The following NTRK3 variants were observed in gnomAD, a reference collection of about 807,000 sequenced individuals.
The protein encoded by NTRK3 is neurotrophic receptor tyrosine kinase 3, also known as NT-3 growth factor receptor.
NTRK3 carries 24 observed loss-of-function variants against 91.7 expected under a neutral mutation model. The observed-to-expected ratio is 0.26, with a 90% confidence interval of 0.19 to 0.37. NTRK3 has a LOEUF of 0.37. Ranked by LOEUF, NTRK3 falls within the 10% of genes least tolerant of loss-of-function variation. The probability of loss-of-function intolerance (pLI) is 1.00; values close to 1 mark genes in which losing one functional copy is unlikely to be tolerated. For synonymous variants in NTRK3, 483 were observed against 404.0 expected (o/e 1.20, Z -2.34); for missense variants, 880 against 1,068.9 (o/e 0.82, Z 2.46).
chr15:88,207,085 G>A (rs950364235), intron 3 of NTRK3, among the ~76,000 whole-genome samples: 1 of 152,228 alleles, frequency 6.6e-6, no homozygotes, highest in African/African-American at 2.4e-5. Context: ...CCCCGACATT[G>A]TGGGTCCATC....
chr15:88,200,473 C>T (rs1251878469), intron 3 of NTRK3, among the ~76,000 whole-genome samples: 1 of 152,210 alleles, frequency 6.6e-6, no homozygotes, highest in African/African-American at 2.4e-5. Context: ...CCATAATCCC[C>T]ACGTGTCATG....
chr15:88,137,036 T>C (rs1182363584), intron 7 of NTRK3, among the ~76,000 whole-genome samples: 1 of 152,166 alleles, frequency 6.6e-6, no homozygotes, highest in Non-Finnish European at 1.5e-5. Context: ...AGAAATCTGC[T>C]TTTTTAGAAA....
chr15:88,014,628 T>C (rs2077102587), intron 14 of NTRK3, among the ~76,000 whole-genome samples: 1 of 152,190 alleles, frequency 6.6e-6, no homozygotes, highest in African/African-American at 2.4e-5. Flanking sequence ...TAACTGGTGA[T>C]AAAACCAAGA....
chr15:88,105,847 C>T lies in NTRK3; in HGVS notation c.1396+20424G>A, dbSNP rs138072844. Reference sequence around the variant, plus strand: ...TCCATATGTAATCCCAGTCAAATCTCTCAATACCTTCTCACGTGAGCACCA... The same window carrying T: ...TCCATATGTAATCCCAGTCAAATCTTTCAATACCTTCTCACGTGAGCACCA... On this transcript the variant is annotated intron_variant, in intron 13 of 18. Transcript: ENST00000394480. Among the ~76,000 whole-genome samples the T allele has an allele frequency of 3.3e-5, 5 of 152,268 alleles. No homozygotes were observed. The East Asian group carries it at 7.7e-4, about 24-fold the overall frequency.
intron 5 of NTRK3, among the ~76,000 whole-genome samples, chr15:88,166,413 G>T (rs2044953783): frequency 6.6e-6 from 1 of 152,176 alleles, no homozygotes; most frequent in Non-Finnish European, 1.5e-5. Flanking sequence ...ATTCGCTTAA[G>T]GACATAGGTC....
chr15:88,166,602 G>C (rs1364762409), intron 5 of NTRK3, among the ~76,000 whole-genome samples: 1 of 152,108 alleles, frequency 6.6e-6, no homozygotes, highest in South Asian at 2.1e-4. Flanking sequence ...AGTTGAGTAA[G>C]CAAAAATGGT....
At chr15:88,147,917 T>C (rs1385363056) in intron 5 of NTRK3, among the ~76,000 whole-genome samples, 2 of 152,202 alleles carry the variant, frequency 1.3e-5, no homozygotes, top group African/African-American at 2.4e-5. Context: ...CTCCTCCTAA[T>C]GGCTATTTAA....
chr15:88,071,296 C>T (rs1481479005), intron 13 of NTRK3, among the ~76,000 whole-genome samples: 1 of 152,250 alleles, frequency 6.6e-6, no homozygotes, highest in African/African-American at 2.4e-5. Flanking sequence ...GCTGGGAGGC[C>T]TCTCTTCACC....
chr15:88,066,975 A>G (rs1286102481), intron 13 of NTRK3, among the ~76,000 whole-genome samples: 4 of 152,094 alleles, frequency 2.6e-5, no homozygotes, highest in Admixed American at 2.6e-4. Context: ...TCCTGCATCA[A>G]CTTAAAAGGC....
exon 19 of NTRK3, chr15:87,870,803 C>G (rs546595992): frequency 4.5e-6 from 1 of 223,056 alleles, no homozygotes; most frequent in African/African-American, 2.2e-5. Flanking sequence ...GTTCAACAGG[C>G]CTTTCCTCAC....
rs1207336074 is a variant in NTRK3 at position 88,256,269 on chromosome 15, A to AG, written c.-16+14dup. On this transcript the variant is annotated intron_variant, in intron 2 of 18. Coordinates refer to ENST00000394480, the Ensembl canonical transcript of NTRK3. ...GACGGCGAGGGAGGGGGGAAGGGGG[A>AG]GGGGGGGCCTCTGCCTTTGAAACGC... 2.3e-4 allele frequency: 17 copies of AG among 75,438 alleles called. No homozygotes were observed. The highest frequency in any genetic ancestry group is 4.0e-4 in the South Asian group (2 of 5,004). 4.7% of individuals were successfully genotyped at this position (75,438 alleles called of 1,614,324 possible).
intron 17 of NTRK3, among the ~76,000 whole-genome samples, chr15:87,920,389 A>C (rs1042520601): frequency 5.9e-5 from 9 of 152,234 alleles, no homozygotes; most frequent in Non-Finnish European, 1.0e-4. Context: ...GCAGATGCTC[A>C]GGTAACTAAA....
intron 14 of NTRK3, among the ~76,000 whole-genome samples, chr15:87,955,222 G>C (rs750914881): frequency 6.6e-6 from 1 of 152,180 alleles, no homozygotes; most frequent in Non-Finnish European, 1.5e-5. Flanking sequence ...ACACAGAGAC[G>C]AGTATAAATT....
intron 3 of NTRK3, among the ~76,000 whole-genome samples, chr15:88,190,106 A>T (rs979943253): frequency 2.0e-5 from 3 of 152,036 alleles, no homozygotes; most frequent in African/African-American, 7.2e-5. Context: ...ACTTAGGAAC[A>T]TCCTTCCTTT....
chr15:87,942,961 G>T (rs2070044898), intron 14 of NTRK3, among the ~76,000 whole-genome samples: 2 of 152,148 alleles, frequency 1.3e-5, no homozygotes, highest in Non-Finnish European at 2.9e-5. Context: ...ACATGGCAGG[G>T]TTGCCAAGTT....
chr15:88,111,829 A>C (rs1254772221), intron 13 of NTRK3, among the ~76,000 whole-genome samples: 1 of 151,954 alleles, frequency 6.6e-6, no homozygotes, highest in African/African-American at 2.4e-5. Context: ...ACAATGATAC[A>C]ATTTGCTACT....
At chr15:87,940,542 C>G in intron 15 of NTRK3, 81 bp downstream of exon 15, 1 of 1,605,722 alleles carries the variant, frequency 6.2e-7, no homozygotes, top group South Asian at 1.1e-5. Flanking sequence ...ACTATCTTCT[C>G]AAATGGAGGG....
chr15:88,136,573 G>C (rs538053675), exon 8 of NTRK3: 1 of 1,613,652 alleles, frequency 6.2e-7, no homozygotes, highest in Non-Finnish European at 8.5e-7. Context: ...CTCTCGTACG[G>C]TCAGGTTGAC....
intron 14 of NTRK3, among the ~76,000 whole-genome samples, chr15:87,949,018 G>A (rs571460305): frequency 7.7e-4 from 117 of 152,280 alleles, no homozygotes; most frequent in Non-Finnish European, 1.3e-3. Context: ...GCTCAAGTTC[G>A]TAGGCTGGGC....
Sources: allele counts gnomAD v4.1 joint callset (sites outside exome capture counted in the v4.1 genomes callset), GRCh38; gene constraint gnomAD v4.1.1; transcripts MANE v1.5; gene names NCBI Gene and HGNC (gene_info 2026-07-23, HGNC 2026-07-21).